Variants in RIC8B observed in about 807,000 individuals in gnomAD.
RIC8B encodes chaperone Ric-8B.
A neutral mutation model predicts 57.5 loss-of-function variants in RIC8B; 16 were observed. The ratio of observed to expected loss-of-function variants is 0.28; its 90% CI spans 0.19 to 0.42. RIC8B has a LOEUF of 0.42. Among genes scored for constraint, RIC8B ranks in the 10% least tolerant of loss-of-function variants. The pLI, the probability that RIC8B is intolerant of heterozygous loss-of-function variation, is 1.00. For synonymous variants in RIC8B, 216 were observed against 250.8 expected, an observed-to-expected ratio of 0.86 and a Z score of 1.31; for missense variants, 481 against 677.0, an observed-to-expected ratio of 0.71 and a Z score of 3.21.
At chr12:106,802,118 A>G (rs1033555611) in intron 2 of RIC8B, among the ~76,000 whole-genome samples, 3 of 152,242 alleles carry the variant, frequency 2.0e-5, no homozygotes, top group Non-Finnish European at 2.9e-5. Context: ...CTTAACTACA[A>G]AAATTCCTTT....
chr12:106,810,301 A>G (rs1240528412), intron 2 of RIC8B, among the ~76,000 whole-genome samples: 1 of 151,158 alleles, frequency 6.6e-6, no homozygotes, highest in Admixed American at 6.6e-5. Flanking sequence ...AAAAAAAAAA[A>G]AAAAGAAAGA....
chr12:106,846,435 G>A (rs1020258297), intron 6 of RIC8B, among the ~76,000 whole-genome samples: 3 of 152,022 alleles, frequency 2.0e-5, no homozygotes, highest in African/African-American at 4.8e-5. Flanking sequence ...ACACTAATAG[G>A]TAGTGCTGAT....
At chr12:106,837,841 C>T (rs2046686611) in intron 4 of RIC8B, among the ~76,000 whole-genome samples, 2 of 151,960 alleles carry the variant, frequency 1.3e-5, no homozygotes, top group African/African-American at 2.4e-5. Flanking sequence ...GGGGTTTTAG[C>T]ACGTTGGCCA....
chr12:106,797,888 C>T (rs73397315), intron 2 of RIC8B: 51,520 of 453,756 alleles, frequency 0.11, 3,687 homozygotes, highest in Middle Eastern at 0.19. Context: ...CTCCAAGACC[C>T]GTGTGCTACA....
intron 6 of RIC8B, among the ~76,000 whole-genome samples, chr12:106,846,495 TGAA>T (rs1949192597): frequency 6.6e-6 from 1 of 152,182 alleles, no homozygotes; most frequent in African/African-American, 2.4e-5. Context: ...TACAGTCTGT[TGAA>T]AGAAGAGAAA....
intron 9 of RIC8B, among the ~76,000 whole-genome samples, chr12:106,877,597 T>C (rs1463666577): frequency 6.6e-6 from 1 of 152,142 alleles, no homozygotes; most frequent in Non-Finnish European, 1.5e-5. Flanking sequence ...TTTCTATGAT[T>C]CTATGTTAAT....
chr12:106,843,130 A>G (rs1237471410), intron 5 of RIC8B, among the ~76,000 whole-genome samples: 1 of 152,220 alleles, frequency 6.6e-6, no homozygotes, highest in Non-Finnish European at 1.5e-5. Context: ...GAAATAAAAA[A>G]TATCCCCCCA....
chr12:106,810,287 TG>T (rs1219929011), intron 2 of RIC8B, among the ~76,000 whole-genome samples: 4 of 141,156 alleles, frequency 2.8e-5, no homozygotes, highest in African/African-American at 5.3e-5. Context: ...ATCATACAGC[TG>T]GTAAAAAAAA....
intron 7 of RIC8B, among the ~76,000 whole-genome samples, chr12:106,859,395 T>C (rs1172679826): frequency 3.9e-5 from 6 of 152,110 alleles, no homozygotes; most frequent in African/African-American, 1.2e-4. Context: ...CCTGACCCTG[T>C]TGGCAGGATA....
rs543994626 is a variant in RIC8B at position 106,823,966 on chromosome 12, A to G, written c.742-1760A>G. Among the ~76,000 whole-genome samples, 5 of 152,294 alleles carry G rather than the reference A, an allele frequency of 3.3e-5. No homozygotes were observed. In the East Asian group the frequency reaches 9.7e-4, roughly 29 times the overall value. ...CTCCCGAAGTGCTGGGATTACAGGC[A>G]TGAACCACGGCACCCGACTCGTATG... On this transcript the variant is annotated intron_variant, in intron 3 of 9. Coordinates refer to ENST00000392837, the MANE Select transcript of RIC8B (RefSeq NM_001330145.2).
intron 4 of RIC8B, among the ~76,000 whole-genome samples, chr12:106,829,719 C>A (rs960398253): frequency 6.6e-6 from 1 of 152,128 alleles, no homozygotes; most frequent in Admixed American, 6.5e-5. Flanking sequence ...TCACCACCAT[C>A]CTTCTCCGTA....
At chr12:106,868,150 T>G (rs1247562398) in intron 8 of RIC8B, among the ~76,000 whole-genome samples, 1 of 152,248 alleles carries the variant, frequency 6.6e-6, no homozygotes, top group Non-Finnish European at 1.5e-5. Context: ...GGAATTCATA[T>G]AGTGACTTTG....
At chr12:106,792,884 A>T (rs950714325) in intron 2 of RIC8B, among the ~76,000 whole-genome samples, 1 of 152,208 alleles carries the variant, frequency 6.6e-6, no homozygotes, top group African/African-American at 2.4e-5. Flanking sequence ...TGGCTAAGTG[A>T]GATAGAACTC....
intron 3 of RIC8B, chr12:106,823,052 A>G: frequency 6.4e-6 from 1 of 155,374 alleles, no homozygotes; most frequent in East Asian, 1.9e-4. Flanking sequence ...TTTTGTCAAA[A>G]TTTAGCTGTG....
In RIC8B at chr12:106,838,068, G is replaced by C. The variant is rs184703703; in HGVS notation, c.837-4521G>C. On this transcript the variant is annotated intron_variant, in intron 4 of 9. Transcript: ENST00000392837. ...TTTGGAATTCTAAGTAAATACCTGA[G>C]AGGTATTACCATAATCAAGGCCATA... Among the ~76,000 whole-genome samples, 111 of 152,252 alleles carry C rather than the reference G, an allele frequency of 7.3e-4. 1 individual carries two copies. Among genetic ancestry groups the C allele is most frequent in the Admixed American group, 4.1e-3 (62 of 15,294 alleles).
chr12:106,779,958 C>T (rs1023657339), intron 1 of RIC8B, among the ~76,000 whole-genome samples: 5 of 148,298 alleles, frequency 3.4e-5, no homozygotes, highest in Non-Finnish European at 7.4e-5. Context: ...ACTTCTGGGC[C>T]TCAGCCTCCC....
At chr12:106,795,696 A>G (rs532375334) in intron 2 of RIC8B, among the ~76,000 whole-genome samples, 1 of 152,196 alleles carries the variant, frequency 6.6e-6, no homozygotes, top group Non-Finnish European at 1.5e-5. Context: ...AACTGCTGGC[A>G]TGTATGTCTG....
intron 8 of RIC8B, among the ~76,000 whole-genome samples, chr12:106,869,422 CTG>C (rs1950293193): frequency 6.6e-6 from 1 of 151,972 alleles, no homozygotes; most frequent in Non-Finnish European, 1.5e-5. Flanking sequence ...TAATTAATCA[CTG>C]TGTCTTTGTC....
intron 9 of RIC8B, chr12:106,873,077 C>T (rs1469521185): frequency 8.1e-6 from 8 of 985,190 alleles, no homozygotes; most frequent in Admixed American, 6.1e-5. Flanking sequence ...AATATACAAA[C>T]GTCAAGTCTG....
Sources: allele counts gnomAD v4.1 joint callset (sites outside exome capture counted in the v4.1 genomes callset), GRCh38; gene constraint gnomAD v4.1.1; transcripts MANE v1.5; gene names NCBI Gene and HGNC (gene_info 2026-07-23, HGNC 2026-07-21).